STK3: variants seen among roughly 807,000 people sequenced by gnomAD.
STK3 encodes the protein serine/threonine-protein kinase 3.
A neutral mutation model predicts 58.0 loss-of-function variants in STK3; 41 were observed. The observed-to-expected ratio is 0.71, with a 90% confidence interval of 0.55 to 0.92. STK3 has a LOEUF of 0.92. Among genes scored for constraint, STK3 ranks in the 40% least tolerant of loss-of-function variants. The pLI is 0.00. For missense variants in STK3, 479 were observed against 602.7 expected (o/e 0.79, Z 2.15); for synonymous variants, 170 against 191.0 (o/e 0.89, Z 0.91).
At chr8:98,347,694 G>T in the STK3 span, among the ~76,000 whole-genome samples, 1 of 152,092 alleles carries the variant, frequency 6.6e-6, no homozygotes, top group Non-Finnish European at 1.5e-5. Context: ...CAATTAAAAG[G>T]CAGAGATTGT....
intron 1 of STK3, among the ~76,000 whole-genome samples, chr8:98,918,787 A>C (rs1441506172): frequency 1.3e-5 from 2 of 151,890 alleles, no homozygotes; most frequent in Non-Finnish European, 2.9e-5. Flanking sequence ...AAAAACAAAA[A>C]CAAAACTTTA....
At chr8:98,466,847 T>G (rs1389814112) in intron 10 of STK3, among the ~76,000 whole-genome samples, 2 of 152,128 alleles carry the variant, frequency 1.3e-5, no homozygotes, top group Non-Finnish European at 2.9e-5. Context: ...CATTATGACT[T>G]CTGACCTCCT....
chr8:98,541,476 C>A (rs1490709874), intron 9 of STK3, among the ~76,000 whole-genome samples: 1 of 152,172 alleles, frequency 6.6e-6, no homozygotes, highest in African/African-American at 2.4e-5. Context: ...TCCTGTACAG[C>A]CTGCAGAACC....
chr8:98,769,297 T>G (rs1206988031), intron 2 of STK3, among the ~76,000 whole-genome samples: 1 of 152,216 alleles, frequency 6.6e-6, no homozygotes, highest in Non-Finnish European at 1.5e-5. Flanking sequence ...TCCCACCTGT[T>G]GTGGTAGGGA....
intron 5 of STK3, 63 bp from the exon 6 acceptor site, chr8:98,706,697 A>G: frequency 7.0e-7 from 1 of 1,420,272 alleles, no homozygotes; most frequent in Non-Finnish European, 9.2e-7. Context: ...CTGTATGCCA[A>G]ACATACTTTT....
At chr8:98,611,694 G>A (rs1355538456) in intron 6 of STK3, among the ~76,000 whole-genome samples, 1 of 152,098 alleles carries the variant, frequency 6.6e-6, no homozygotes, top group African/African-American at 2.4e-5. Flanking sequence ...CTTAACACTG[G>A]CTACATATTA....
chr8:98,883,935 A>G, intron 1 of STK3: 1 of 526,436 alleles, frequency 1.9e-6, no homozygotes, highest in Admixed American at 3.1e-5. Context: ...GCATGTTGGG[A>G]ACAGGGAGGG....
intron 3 of STK3, among the ~76,000 whole-genome samples, chr8:98,393,364 G>A (rs1282776916): frequency 3.3e-5 from 5 of 152,144 alleles, no homozygotes; most frequent in Non-Finnish European, 7.4e-5. Context: ...AGAGGCTCTG[G>A]AAGGGTACAG....
chr8:98,408,442 C>T (rs1265000062), intron 3 of STK3, among the ~76,000 whole-genome samples: 2 of 152,288 alleles, frequency 1.3e-5, no homozygotes, highest in Admixed American at 6.5e-5. Context: ...ATTTCACAAG[C>T]TAGTGGAAGT....
intron 1 of STK3, among the ~76,000 whole-genome samples, chr8:98,886,029 T>C (rs1034060030): frequency 1.2e-4 from 18 of 152,122 alleles, no homozygotes; most frequent in Non-Finnish European, 1.5e-5. Flanking sequence ...GAGAACAGAT[T>C]AGTGATTTCC....
At chr8:98,523,470 G>A (rs906087867) in intron 10 of STK3, among the ~76,000 whole-genome samples, 1 of 151,436 alleles carries the variant, frequency 6.6e-6, no homozygotes, top group African/African-American at 2.4e-5. Context: ...CATCTCCTGG[G>A]TTCAAGTGAT....
chr8:98,816,746 C>G (rs1587693950), intron 1 of STK3, among the ~76,000 whole-genome samples: 3 of 152,068 alleles, frequency 2.0e-5, no homozygotes, highest in Admixed American at 6.5e-5. Context: ...GTTGGTCAGG[C>G]TGGTCTTGAT....
chr8:98,801,841 G>A (rs889142998), intron 1 of STK3, among the ~76,000 whole-genome samples: 6 of 151,916 alleles, frequency 3.9e-5, no homozygotes, highest in Admixed American at 1.3e-4. Flanking sequence ...AAAACAGTAA[G>A]CTTGTTGTAT....
chr8:98,901,464 G>A (rs562627155), intron 1 of STK3, among the ~76,000 whole-genome samples: 1 of 152,362 alleles, frequency 6.6e-6, no homozygotes, highest in East Asian at 1.9e-4. Flanking sequence ...AGGTGAAAGG[G>A]GAGAGAAAAA....
At chr8:98,475,316 A>C (rs1473100865) in intron 10 of STK3, among the ~76,000 whole-genome samples, 1 of 152,222 alleles carries the variant, frequency 6.6e-6, no homozygotes, top group Non-Finnish European at 1.5e-5. Context: ...GCTCAGAAGC[A>C]CCAAGAACAG....
At position 98,699,576 on chromosome 8, in the gene STK3, T is replaced by C. The variant is rs1187618416; in HGVS notation, c.684+6891A>G. On this transcript the variant is annotated intron_variant, in intron 6 of 10. Coordinates refer to ENST00000419617, the MANE Select transcript of STK3 (RefSeq NM_006281.4). ...CCTTTCTGTTTGTTAGTTTTCCTTCTAACAGACAGGACCCTCAGCTGCAGG... is the reference window on the plus strand; with the variant it reads ...CCTTTCTGTTTGTTAGTTTTCCTTCCAACAGACAGGACCCTCAGCTGCAGG... 5.3e-3 allele frequency among the ~76,000 whole-genome samples: 803 copies of C among 152,320 alleles called. 6 individuals are homozygous for C. Among genetic ancestry groups the C allele is most frequent in the Non-Finnish European group, 7.8e-3 (533 of 68,034 alleles).
chr8:98,758,828 A>C (rs1587536567), intron 3 of STK3, among the ~76,000 whole-genome samples: 1 of 152,220 alleles, frequency 6.6e-6, no homozygotes, highest in Non-Finnish European at 1.5e-5. Flanking sequence ...TTGCTGCTTC[A>C]TCTTGCACTT....
intron 6 of STK3, among the ~76,000 whole-genome samples, chr8:98,627,693 C>T (rs912337677): frequency 3.3e-5 from 5 of 152,110 alleles, no homozygotes; most frequent in African/African-American, 1.2e-4. Flanking sequence ...CCAATTAAAC[C>T]TCTTTTATTT....
chr8:98,349,739 A>G, the STK3 span, among the ~76,000 whole-genome samples: 3 of 152,154 alleles, frequency 2.0e-5, no homozygotes, highest in Non-Finnish European at 4.4e-5. Context: ...AAGGCTTGGG[A>G]CTTGCACCCT....
Sources: allele counts gnomAD v4.1 joint callset (sites outside exome capture counted in the v4.1 genomes callset), GRCh38; gene constraint gnomAD v4.1.1; transcripts MANE v1.5; gene names NCBI Gene and HGNC (gene_info 2026-07-23, HGNC 2026-07-21).